The following C2orf49 variants were observed in gnomAD, a reference collection of about 807,000 sequenced individuals.
C2orf49 encodes the protein tRNA-splicing ligase complex subunit ASW.
In C2orf49, 11 loss-of-function variants were observed where a neutral mutation model predicts 20.6. That is an observed-to-expected ratio of 0.53 (90% confidence interval 0.34 to 0.88). The LOEUF is 0.88. Among genes scored for constraint, C2orf49 ranks in the 40% least tolerant of loss-of-function variants. The pLI, the probability that C2orf49 is intolerant of heterozygous loss-of-function variation, is 0.02. For synonymous variants in C2orf49, 134 were observed against 108.5 expected (o/e 1.24, Z -1.46); for missense variants, 289 against 274.2 (o/e 1.05, Z -0.38).
chr2:105,384,554 C>T, the C2orf49 span, among the ~76,000 whole-genome samples: 1 of 152,150 alleles, frequency 6.6e-6, no homozygotes, highest in African/African-American at 2.4e-5. Context: ...GTGTCCCAGG[C>T]TGGAGTGCAG....
intron 1 of C2orf49, among the ~76,000 whole-genome samples, chr2:105,338,538 C>T (rs1679569865): frequency 1.3e-5 from 2 of 152,284 alleles, no homozygotes; most frequent in Admixed American, 6.5e-5. Context: ...CGAAATCTTG[C>T]ATTTTTAACG....
chr2:105,339,393 T>C (rs889394568), intron 1 of C2orf49, among the ~76,000 whole-genome samples, 190 bp from the exon 2 acceptor site: 1 of 152,242 alleles, frequency 6.6e-6, no homozygotes, highest in Non-Finnish European at 1.5e-5. Context: ...CCATTGTTTT[T>C]AAGATGAGGC....
chr2:105,339,766 C>G lies in C2orf49; in HGVS notation c.266+17C>G. ...GACTAAAAGGTACTTTTTGGTGGTT[C>G]TAGCTTTCAATTTATCTTATATAAC... is the stretch of plus-strand genomic sequence containing the variant. On this transcript the variant is annotated intron_variant, in intron 2 of 3. Transcript: ENST00000258457. 6.4e-7 allele frequency: 1 copy of G among 1,558,850 alleles called. No homozygotes were observed. The highest frequency in any genetic ancestry group is 8.6e-7 in the Non-Finnish European group (1 of 1,159,312).
downstream of C2orf49, among the ~76,000 whole-genome samples, chr2:105,351,578 GTT>G (rs1679937192): frequency 6.6e-6 from 1 of 152,186 alleles, no homozygotes; most frequent in Non-Finnish European, 1.5e-5. Flanking sequence ...TTTAACTCCA[GTT>G]CTTTCTGCTT....
At chr2:105,365,318 TC>T in the C2orf49 span, among the ~76,000 whole-genome samples, 1 of 152,046 alleles carries the variant, frequency 6.6e-6, no homozygotes, top group African/African-American at 2.4e-5. Flanking sequence ...CAGCATCAGA[TC>T]CCCAGTGCCT....
the C2orf49 span, chr2:105,377,985 T>C: frequency 2.2e-6 from 1 of 458,498 alleles, no homozygotes; most frequent in South Asian, 1.6e-5. Context: ...AATTTGCCTT[T>C]TGGGACTGAC....
intron 1 of C2orf49, among the ~76,000 whole-genome samples, chr2:105,338,901 T>C (rs1383807370): frequency 6.6e-6 from 1 of 152,242 alleles, no homozygotes; most frequent in Non-Finnish European, 1.5e-5. Flanking sequence ...GCTTATGCTA[T>C]GTTTTTCATG....
At chr2:105,384,907 C>A in the C2orf49 span, among the ~76,000 whole-genome samples, 15 of 152,218 alleles carry the variant, frequency 9.9e-5, no homozygotes, top group African/African-American at 3.6e-4. Context: ...TGGGCTGGAA[C>A]TGGGCAGTCT....
At chr2:105,373,681 T>C in the C2orf49 span, 2 of 1,614,204 alleles carry the variant, frequency 1.2e-6, no homozygotes, top group Non-Finnish European at 1.7e-6. Context: ...GTTTCTGCAC[T>C]GCGAGCAGTG....
chr2:105,347,045 T>C lies in C2orf49; in HGVS notation c.*1674T>C, dbSNP rs1679831894. ...TGTTAAACAAGCATTTTAGTTCAGC[T>C]ATTGAATAGCCTTCCAAAAAATTAA... On this transcript the variant is annotated 3_prime_UTR_variant, in exon 4 of 4. Transcript: ENST00000258457. The C allele has an allele frequency of 6.6e-6, 1 of 152,250 alleles. No individual in the cohort carries two copies. The allele number at this position is 152,250 out of a possible 1,614,324, so 9.4% of individuals were successfully genotyped here.
the C2orf49 span, among the ~76,000 whole-genome samples, chr2:105,372,313 T>C: frequency 6.6e-6 from 1 of 151,968 alleles, no homozygotes; most frequent in Admixed American, 6.6e-5. Flanking sequence ...GCAAGCTCCA[T>C]CTCCTGGGTT....
the C2orf49 span, among the ~76,000 whole-genome samples, chr2:105,364,696 T>C: frequency 6.6e-6 from 1 of 152,156 alleles, no homozygotes; most frequent in Non-Finnish European, 1.5e-5. Flanking sequence ...AATCACACTT[T>C]TTTGCTTTTT....
In C2orf49 at chr2:105,343,215, G is replaced by A; in HGVS notation, c.634G>A (p.Glu212Lys). The stretch of plus-strand genomic sequence containing the variant: ...GAGAGCTGCTCCTAAAGAAGAGGCA[G>A]AGGCCATGGTAAGTATGGGGGTGGT... The part of the protein sequence containing the change: ...LKRAAPKEEA[E>K]AMNNLKPPQA... The change falls in exon 3 of 4, where the codon GAG becomes AAG. Residue 212 changes from glutamate (E) to lysine (K), a missense_variant. By Grantham distance (56) the Glu-to-Lys change is moderately conservative. Transcript: ENST00000258457. The A allele has an allele frequency of 6.3e-7, 1 of 1,590,898 alleles. No homozygotes were observed. Among genetic ancestry groups the A allele is most frequent in the Non-Finnish European group, 8.5e-7 (1 of 1,171,036 alleles).
the C2orf49 span, among the ~76,000 whole-genome samples, chr2:105,368,974 G>T: frequency 1.3e-5 from 2 of 152,186 alleles, no homozygotes; most frequent in African/African-American, 4.8e-5. Flanking sequence ...TACTTCCATT[G>T]TTTACATCCG....
intron 1 of C2orf49, 146 bp from the exon 2 acceptor site, chr2:105,339,437 A>G (rs1679602872): frequency 1.5e-6 from 1 of 654,774 alleles, no homozygotes; most frequent in Admixed American, 3.7e-5. Context: ...AACCTTTAAC[A>G]CTGTCTCTAA....
the C2orf49 span, among the ~76,000 whole-genome samples, chr2:105,369,592 G>A: frequency 3.3e-5 from 5 of 152,294 alleles, no homozygotes; most frequent in South Asian, 8.3e-4. Context: ...GAATTCAATT[G>A]TGGGGTGATG....
the C2orf49 span, chr2:105,376,404 C>T: frequency 5.3e-5 from 8 of 152,304 alleles, no homozygotes; most frequent in South Asian, 2.1e-4. Context: ...CTTTCTAGAA[C>T]ATATTTTGTA....
At chr2:105,377,877 T>C in the C2orf49 span, 3 of 365,244 alleles carry the variant, frequency 8.2e-6, no homozygotes, top group Non-Finnish European at 1.6e-5. Flanking sequence ...TAGTTGCTTT[T>C]TACATGGTGG....
chr2:105,371,817 G>T, the C2orf49 span, among the ~76,000 whole-genome samples: 5 of 152,300 alleles, frequency 3.3e-5, no homozygotes, highest in South Asian at 1.0e-3. Context: ...TTCAATTAAT[G>T]TCGTGGTTCT....
Sources: gnomAD v4.1 joint callset for allele counts (sites outside exome capture counted in the v4.1 genomes callset) on GRCh38, gnomAD v4.1.1 for gene constraint, MANE v1.5 for transcripts, NCBI Gene and HGNC (gene_info 2026-07-23, HGNC 2026-07-21) for gene names.